The following UNC13A variants were observed in gnomAD, a reference collection of about 807,000 sequenced individuals.
The protein encoded by UNC13A is unc-13 homolog A, also known as protein unc-13 homolog A.
In UNC13A, 61 loss-of-function variants were observed where a neutral mutation model predicts 219.7. That is an observed-to-expected ratio of 0.28 (90% confidence interval 0.23 to 0.34). The LOEUF (loss-of-function observed/expected upper bound fraction) is 0.34. Ranked by LOEUF, UNC13A falls within the 10% of genes least tolerant of loss-of-function variation. The pLI is 1.00. For missense variants in UNC13A, 1,476 were observed against 2,270.3 expected, an observed-to-expected ratio of 0.65 and a Z score of 7.11; for synonymous variants, 920 against 884.6, an observed-to-expected ratio of 1.04 and a Z score of -0.71.
chr19:17,648,178 C>T (rs1257630721), intron 16 of UNC13A, among the ~76,000 whole-genome samples: 1 of 150,808 alleles, frequency 6.6e-6, no homozygotes, highest in Non-Finnish European at 1.5e-5. Context: ...CTGAGCCCTG[C>T]CCCACCCCTC....
At chr19:17,637,348 A>T (rs144573238) in intron 25 of UNC13A, among the ~76,000 whole-genome samples, 207 of 149,936 alleles carry the variant, frequency 1.4e-3, no homozygotes, top group African/African-American at 4.7e-3. Flanking sequence ...CCCAGGCCGG[A>T]GTGCAGTGAT....
chr19:17,639,637 G>A, intron 23 of UNC13A, 112 bp from the exon 24 acceptor site: 1 of 1,296,074 alleles, frequency 7.7e-7, no homozygotes, highest in Admixed American at 2.1e-5. Context: ...GGGTTGATTA[G>A]AGCACCTCGA....
intron 28 of UNC13A, among the ~76,000 whole-genome samples, chr19:17,631,074 T>TC (rs1247942100): frequency 5.4e-5 from 2 of 37,054 alleles, no homozygotes; most frequent in African/African-American, 1.6e-4. Flanking sequence ...CCTCCCTCCC[T>TC]CCTTCCTTCC....
chr19:17,662,786 G>T (rs1310760358), intron 8 of UNC13A, among the ~76,000 whole-genome samples: 1 of 152,106 alleles, frequency 6.6e-6, no homozygotes, highest in Admixed American at 6.6e-5. Flanking sequence ...CGGGCGTGTT[G>T]GCGGACGCCT....
intron 19 of UNC13A, among the ~76,000 whole-genome samples, chr19:17,644,532 T>G (rs924283859): frequency 6.8e-6 from 1 of 146,168 alleles, no homozygotes; most frequent in Admixed American, 6.8e-5. Context: ...TGTTTTTTTT[T>G]TTTTTTTTTG....
At chr19:17,633,053 G>A (rs1027944025) in intron 27 of UNC13A, 55 bp downstream of exon 27, 2 of 1,609,772 alleles carry the variant, frequency 1.2e-6, no homozygotes, top group Admixed American at 1.7e-5. Context: ...AGGGGACACA[G>A]AGGTACAGCC....
At chr19:17,624,628 C>T (rs1409554565) in intron 35 of UNC13A, among the ~76,000 whole-genome samples, 1 of 152,152 alleles carries the variant, frequency 6.6e-6, no homozygotes, top group East Asian at 1.9e-4. Context: ...TCTTTAACCC[C>T]TGTGTGAACT....
chr19:17,636,122 C>G lies in UNC13A; in HGVS notation c.3117G>C (p.Gly1039=), dbSNP rs778401132. The G allele has an allele frequency of 3.1e-6, 5 of 1,606,270 alleles. 1 individual carries two copies. The South Asian group carries it at 5.6e-5, about 18-fold the overall frequency. The change falls in exon 26 of 44, where the codon GGG becomes GGC. Residue 1039 remains glycine, a synonymous_variant. Coordinates refer to ENST00000519716, the MANE Select transcript of UNC13A (RefSeq NM_001080421.3). ...AGAAGTCGAGGTTCTTGATGCTGGGCCCCTGTTCCTCTGGGAGAACTTCCC... is the reference window on the plus strand; with the variant it reads ...AGAAGTCGAGGTTCTTGATGCTGGGGCCCTGTTCCTCTGGGAGAACTTCCC... The part of the protein sequence containing the change: ...KKGEVLPEEQ[G]PSIKNLDFWS...
chr19:17,648,348 T>G, intron 16 of UNC13A, 83 bp downstream of exon 16: 2 of 501,468 alleles, frequency 4.0e-6, no homozygotes, highest in Non-Finnish European at 5.0e-6. Context: ...ACCCATCGCC[T>G]TGCCCTTCAG....
chr19:17,605,993 C>G lies in UNC13A; in HGVS notation c.*61G>C, dbSNP rs1383362614. The G allele has an allele frequency of 4.1e-5, 56 of 1,367,608 alleles. No individual in the cohort carries two copies. In the East Asian group the frequency reaches 1.5e-3, roughly 37 times the overall value. 84.7% of individuals were successfully genotyped at this position (1,367,608 alleles called of 1,614,324 possible). Reference sequence around the variant, plus strand: ...GGGAGGTCCCACCAAGGCGCAAGCCCCGTCCCTCCCCGCCCAGCGCCCTCC... The same window carrying G: ...GGGAGGTCCCACCAAGGCGCAAGCCGCGTCCCTCCCCGCCCAGCGCCCTCC... On this transcript the variant is annotated 3_prime_UTR_variant, in exon 44 of 44. Coordinates refer to ENST00000519716, the MANE Select transcript of UNC13A (RefSeq NM_001080421.3).
intron 9 of UNC13A, 134 bp downstream of exon 9, chr19:17,657,928 A>C: frequency 1.2e-6 from 1 of 849,702 alleles, no homozygotes; most frequent in Non-Finnish European, 1.8e-6. Flanking sequence ...AGAAAATGTG[A>C]ATTCTGCCCT....
chr19:17,613,168 G>T (rs956790821), intron 41 of UNC13A, among the ~76,000 whole-genome samples: 1 of 151,976 alleles, frequency 6.6e-6, no homozygotes, highest in Non-Finnish European at 1.5e-5. Flanking sequence ...GGAGGCAGAG[G>T]TTGCAGTGAG....
intron 1 of UNC13A, among the ~76,000 whole-genome samples, chr19:17,686,514 G>A (rs1599427516): frequency 6.6e-6 from 1 of 151,914 alleles, no homozygotes; most frequent in Non-Finnish European, 1.5e-5. Context: ...GGACATTCAA[G>A]TTCTCCTCCC....
intron 1 of UNC13A, among the ~76,000 whole-genome samples, chr19:17,679,431 A>T (rs980895127): frequency 4.0e-5 from 6 of 149,778 alleles, no homozygotes; most frequent in African/African-American, 1.3e-4. Context: ...ATAATAATAA[A>T]AGAGAGAGGG....
Position 17,655,999 on chromosome 19 carries a change from T to C in UNC13A, c.1167A>G (p.Pro389=). The change falls in exon 10 of 44, where the codon CCA becomes CCG. Residue 389 remains proline, a synonymous_variant. Coordinates refer to ENST00000519716, the MANE Select transcript of UNC13A (RefSeq NM_001080421.3). The part of the protein sequence containing the change: ...PAAPGKEDKA[P]VAPTEAPDMA... ...TGTCGGGGGCCTCGGTGGGTGCCAC[T>C]GGGGCCTTGTCCTCCTTCCCTGGGG... 1 of 1,579,260 alleles carries C rather than the reference T, an allele frequency of 6.3e-7. No homozygotes were observed. Among genetic ancestry groups the C allele is most frequent in the Non-Finnish European group, 8.6e-7 (1 of 1,162,960 alleles).
intron 28 of UNC13A, 22 bp from the exon 29 acceptor site, chr19:17,630,772 G>A (rs997422942): frequency 6.2e-7 from 1 of 1,603,864 alleles, no homozygotes; most frequent in African/African-American, 1.3e-5. Flanking sequence ...AGCCGGGGTG[G>A]GGCTCTGCCA....
chr19:17,667,535 G>A (rs897090093), intron 6 of UNC13A, among the ~76,000 whole-genome samples: 3 of 151,820 alleles, frequency 2.0e-5, no homozygotes, highest in Non-Finnish European at 2.9e-5. Context: ...GTGCAGCAGC[G>A]TGATCTCGGC....
intron 12 of UNC13A, among the ~76,000 whole-genome samples, chr19:17,650,858 C>G (rs1406069951): frequency 6.6e-6 from 1 of 152,040 alleles, no homozygotes; most frequent in African/African-American, 2.4e-5. Context: ...CCTCCACCTC[C>G]TGGGCTACAG....
At position 17,668,158 on chromosome 19, in the gene UNC13A, T is replaced by C. The variant is rs769774730; in HGVS notation, c.427A>G (p.Lys143Glu). The change falls in exon 6 of 44, where the codon AAG (lysine) becomes GAG (glutamate). Residue 143 changes from lysine to glutamate, a missense_variant. This residue lies in a region of UNC13A where 203 missense variants were observed against 301.6 expected (regional missense o/e 0.67). Transcript: ENST00000519716. ...ATAGCATTGAGCTGCTCCAGCTTCT[T>C]GGCCCAGTAGCGAGCCTCCTCTTCA... ...IPEEEARYWA[K>E]KLEQLNAMRD... 1.2e-6 allele frequency: 2 copies of C among 1,613,864 alleles called. No individual in the cohort carries two copies. Among genetic ancestry groups the C allele is most frequent in the Non-Finnish European group, 1.7e-6 (2 of 1,179,802 alleles).
Sources: allele counts gnomAD v4.1 joint callset (sites outside exome capture counted in the v4.1 genomes callset), GRCh38; gene constraint gnomAD v4.1.1; regional missense constraint gnomAD v4.1.1; transcripts MANE v1.5; gene names NCBI Gene and HGNC (gene_info 2026-07-23, HGNC 2026-07-21).